Variants in SCN3A observed in about 807,000 individuals in gnomAD.
SCN3A encodes sodium voltage-gated channel alpha subunit 3.
In SCN3A, 60 loss-of-function variants were observed where a neutral mutation model predicts 187.6. The ratio of observed to expected loss-of-function variants is 0.32; its 90% CI spans 0.26 to 0.40. The LOEUF (loss-of-function observed/expected upper bound fraction) is 0.40. Ranked by LOEUF, SCN3A falls within the 10% of genes least tolerant of loss-of-function variation. SCN3A has a pLI of 1.00. For synonymous variants in SCN3A, 788 were observed against 829.2 expected (o/e 0.95, Z 0.85); for missense variants, 1,601 against 2,428.2 (o/e 0.66, Z 7.16).
chr2:165,180,615 A>G (rs913093003), intron 2 of SCN3A, among the ~76,000 whole-genome samples: 5 of 152,094 alleles, frequency 3.3e-5, no homozygotes, highest in African/African-American at 1.2e-4. Context: ...GAGACAAGAA[A>G]GAGCATGGAG....
At chr2:165,126,529 CTTT>C (rs1383885446) in intron 18 of SCN3A, among the ~76,000 whole-genome samples, 3 of 137,562 alleles carry the variant, frequency 2.2e-5, no homozygotes, top group Non-Finnish European at 4.8e-5. Flanking sequence ...TCCCTTTTTT[CTTT>C]ATTTCCTTCT....
At chr2:165,188,804 CAAAAAAAAAAAAA>C (rs763003775) in intron 1 of SCN3A, among the ~76,000 whole-genome samples, 4 of 72,546 alleles carry the variant, frequency 5.5e-5, no homozygotes, top group African/African-American at 1.3e-4. Flanking sequence ...CGCCCCACTT[CAAAAAAAAAAAAA>C]AAAAAAAAAA....
At chr2:165,173,841 A>G (rs1328056815) in intron 3 of SCN3A, among the ~76,000 whole-genome samples, 5 of 152,192 alleles carry the variant, frequency 3.3e-5, no homozygotes, top group African/African-American at 1.2e-4. Context: ...TTCATAAACG[A>G]AAGCAGTGCA....
At chr2:165,137,799 A>C in intron 15 of SCN3A, 80 bp downstream of exon 15, 1 of 1,127,952 alleles carries the variant, frequency 8.9e-7, no homozygotes, top group South Asian at 1.2e-5. Flanking sequence ...TGGGTTCAAC[A>C]CAGCACAAAT....
intron 1 of SCN3A, among the ~76,000 whole-genome samples, chr2:165,187,342 A>G (rs991487922): frequency 2.6e-5 from 4 of 152,222 alleles, no homozygotes; most frequent in Admixed American, 1.3e-4. Flanking sequence ...ACCAGATGTC[A>G]TACTTCTTTC....
chr2:165,127,825 C>T lies in SCN3A; in HGVS notation c.3199G>A (p.Gly1067Arg), dbSNP rs1000317389. 1.1e-5 allele frequency: 18 copies of T among 1,614,040 alleles called. No homozygotes were observed. Among genetic ancestry groups the T allele is most frequent in the Non-Finnish European group, 1.4e-5 (16 of 1,180,022 alleles). ...ISKELNYLRD[G>R]NGTTSGVGTG... ...CCTACACCACTGGTGGTTCCATTCC[C>T]ATCTCTAAGATAATTAAGCTCTTTG... The change falls in exon 18 of 28, where the codon GGG (glycine) becomes AGG (arginine). Residue 1067 changes from glycine (G) to arginine (R), a missense_variant. Transcript: ENST00000283254.
intron 5 of SCN3A, 77 bp downstream of exon 5, chr2:165,168,659 G>T: frequency 9.8e-7 from 1 of 1,017,644 alleles, no homozygotes; most frequent in Non-Finnish European, 1.6e-6. Flanking sequence ...GAAACCATAA[G>T]TCAGGCTATA....
intron 14 of SCN3A, among the ~76,000 whole-genome samples, chr2:165,138,589 G>A (rs1019152718): frequency 6.6e-6 from 1 of 152,092 alleles, no homozygotes; most frequent in African/African-American, 2.4e-5. Context: ...CTTGCACACA[G>A]TGAGAACGTA....
intron 22 of SCN3A, among the ~76,000 whole-genome samples, chr2:165,098,656 T>C (rs528083642): frequency 6.6e-6 from 1 of 152,254 alleles, no homozygotes; most frequent in Admixed American, 6.5e-5. Context: ...TAAAACAATA[T>C]AGAACAACAA....
intron 2 of SCN3A, chr2:165,179,736 A>C (rs2105934148): frequency 6.6e-6 from 1 of 152,332 alleles, no homozygotes; most frequent in Non-Finnish European, 1.5e-5. Context: ...TAGGCTGAGA[A>C]ATTAAAGAAT....
At chr2:165,190,544 ATTTATATATAAC>A (rs1328769618) in intron 1 of SCN3A, among the ~76,000 whole-genome samples, 2 of 146,036 alleles carry the variant, frequency 1.4e-5, no homozygotes. Flanking sequence ...AACATTTTAT[ATTTATATATAAC>A]TTTATATATA....
chr2:165,096,950 T>C (rs1429419937), intron 23 of SCN3A, among the ~76,000 whole-genome samples: 1 of 152,084 alleles, frequency 6.6e-6, no homozygotes, highest in African/African-American at 2.4e-5. Context: ...CTAAAGTTGC[T>C]CCTTTGGCAA....
At chr2:165,136,889 T>C (rs1334103903) in intron 15 of SCN3A, among the ~76,000 whole-genome samples, 1 of 152,176 alleles carries the variant, frequency 6.6e-6, no homozygotes, top group Non-Finnish European at 1.5e-5. Context: ...CTGTTGGCAA[T>C]TGCTCCTTCA....
rs1477732156 is a variant in SCN3A at position 165,088,684 on chromosome 2, A to T, written c.*1466T>A. 1 of 152,606 alleles carries T rather than the reference A, an allele frequency of 6.6e-6. No individual in the cohort carries two copies. Among genetic ancestry groups the T allele is most frequent in the African/African-American group, 2.4e-5 (1 of 41,464 alleles). 9.5% of individuals were successfully genotyped at this position (152,606 alleles called of 1,614,324 possible). On this transcript the variant is annotated 3_prime_UTR_variant, in exon 28 of 28. Transcript: ENST00000283254. ...GATTAAAAATCAAAAGCAAAAGCAT[A>T]AAGTAAAATAAATTGTGATGTCATC...
chr2:165,131,525 T>G, intron 15 of SCN3A, 108 bp from the exon 16 acceptor site: 1 of 606,622 alleles, frequency 1.6e-6, no homozygotes. Flanking sequence ...AAATTTAAAG[T>G]GAGAGAATGT....
At chr2:165,115,712 T>A in intron 18 of SCN3A, 137 bp from the exon 19 acceptor site, 1 of 823,050 alleles carries the variant, frequency 1.2e-6, no homozygotes, top group Non-Finnish European at 2.1e-6. Flanking sequence ...CATTATGTAC[T>A]AATAATTTAA....
chr2:165,106,556 A>G (rs1006161521), intron 21 of SCN3A, among the ~76,000 whole-genome samples: 2 of 152,212 alleles, frequency 1.3e-5, no homozygotes, highest in African/African-American at 4.8e-5. Flanking sequence ...TGTATGTTAT[A>G]TGTTACTTAA....
chr2:165,139,605 T>C lies in SCN3A; in HGVS notation c.2023A>G (p.Thr675Ala). The C allele has an allele frequency of 1.2e-6, 2 of 1,613,812 alleles. No homozygotes were observed. The highest frequency in any genetic ancestry group is 1.7e-6 in the Non-Finnish European group (2 of 1,179,818). ...TTTCTGACTTCCGTTTCTGTGGTGG[T>C]GCCCTGCAAACCAAATACTGATGGC... Reference protein sequence around the residue: ...SPTGQLPPEGTTTETEVRKRR... With the variant: ...SPTGQLPPEGATTETEVRKRR... The change falls in exon 14 of 28, where the codon ACC becomes GCC. Residue 675 changes from threonine (T) to alanine (A), a missense_variant. Physicochemically the swap from Thr to Ala is moderately conservative, Grantham distance 58. Around this residue, in one of 11 missense-constraint regions of SCN3A, gnomAD observed 376 missense variants for 476.0 expected, o/e 0.79. Coordinates refer to ENST00000283254, the MANE Select transcript of SCN3A (RefSeq NM_006922.4).
At chr2:165,134,205 A>G (rs1687529878) in intron 15 of SCN3A, among the ~76,000 whole-genome samples, 1 of 152,210 alleles carries the variant, frequency 6.6e-6, no homozygotes. Context: ...AAGAAAAACA[A>G]TGAAACAAAC....
Sources: gnomAD v4.1 joint callset for allele counts (sites outside exome capture counted in the v4.1 genomes callset) on GRCh38, gnomAD v4.1.1 for gene constraint, gnomAD v4.1.1 regional missense constraint, MANE v1.5 for transcripts, NCBI Gene and HGNC (gene_info 2026-07-23, HGNC 2026-07-21) for gene names.